Variants in TMEM165 observed in about 807,000 individuals in gnomAD.
The protein encoded by TMEM165 is transmembrane protein 165.
Under a neutral mutation model 30.0 loss-of-function variants are expected in TMEM165, and 19 were observed. The ratio of observed to expected loss-of-function variants is 0.63; its 90% CI spans 0.44 to 0.93. TMEM165 has a LOEUF of 0.93. Ranked by LOEUF, TMEM165 falls within the 40% of genes least tolerant of loss-of-function variation. The pLI is 0.00. For missense variants in TMEM165, 340 were observed against 417.0 expected (o/e 0.82, Z 1.61); for synonymous variants, 168 against 162.9 (o/e 1.03, Z -0.24).
chr4:55,445,005 T>C (rs1255986104), intron 3 of TMEM165, among the ~76,000 whole-genome samples: 5 of 152,208 alleles, frequency 3.3e-5, no homozygotes, highest in Non-Finnish European at 5.9e-5. Context: ...CACAAAGTTA[T>C]CCACATCAGT....
intron 3 of TMEM165, chr4:55,449,319 T>C (rs941491590): frequency 4.6e-6 from 6 of 1,302,414 alleles, no homozygotes; most frequent in Non-Finnish European, 6.7e-6. Flanking sequence ...GACAAATAGA[T>C]GAATTTCTGA....
chr4:55,420,834 G>A (rs539595403), intron 4 of TMEM165, among the ~76,000 whole-genome samples: 1 of 152,138 alleles, frequency 6.6e-6, no homozygotes, highest in East Asian at 1.9e-4. Flanking sequence ...GCCAAAAAAG[G>A]GTGAGGGGGA....
chr4:55,427,500 G>A (rs1276946338), downstream of TMEM165, among the ~76,000 whole-genome samples: 7 of 151,378 alleles, frequency 4.6e-5, no homozygotes, highest in African/African-American at 1.7e-4. Context: ...CCGCCACCAC[G>A]CCTGGCTAAT....
intron 3 of TMEM165, chr4:55,432,247 C>G (rs6834676): frequency 0.69 from 104,600 of 151,904 alleles, 36,282 homozygotes; most frequent in South Asian, 0.81. Context: ...TTAAGTGTCT[C>G]GGTTCTGGTT....
chr4:55,448,722 G>C, intron 3 of TMEM165: 1 of 1,353,224 alleles, frequency 7.4e-7, no homozygotes, highest in Non-Finnish European at 1.0e-6. Flanking sequence ...AATTACATTA[G>C]CTTAAAAGCA....
intron 2 of TMEM165, among the ~76,000 whole-genome samples, chr4:55,413,690 A>C (rs1046723569): frequency 3.9e-5 from 6 of 152,254 alleles, no homozygotes; most frequent in African/African-American, 1.4e-4. Context: ...AAAATAAAAT[A>C]GTATGAAGAA....
At chr4:55,448,838 A>C in intron 3 of TMEM165, 1 of 1,613,970 alleles carries the variant, frequency 6.2e-7, no homozygotes, top group Non-Finnish European at 8.5e-7. Flanking sequence ...GGCTGTGTTA[A>C]TGATGAACCA....
At chr4:55,407,204 G>A (rs1297378978) in intron 1 of TMEM165, among the ~76,000 whole-genome samples, 1 of 152,144 alleles carries the variant, frequency 6.6e-6, no homozygotes, top group Non-Finnish European at 1.5e-5. Context: ...GAATCTGGAT[G>A]AAGAGGGGGA....
intron 3 of TMEM165, among the ~76,000 whole-genome samples, chr4:55,436,982 CCT>C (rs1722932683): frequency 6.9e-6 from 1 of 144,424 alleles, no homozygotes; most frequent in African/African-American, 2.6e-5. Flanking sequence ...TAAGGCAGGT[CCT>C]CTCCTTTTTT....
At position 55,411,614 on chromosome 4, in the gene TMEM165, A is replaced by T; in HGVS notation, c.208A>T (p.Lys70Ter). ...VQGPEPARVEKIFTPAAPVHT... is the reference protein window; with the variant it reads ...VQGPEPARVE ...GAAGTAACTGATTTTTTTTTTCCAG[A>T]AAATATTTACACCAGCAGCTCCAGT... is the stretch of plus-strand genomic sequence containing the variant. Residue 70 changes from lysine (K) to a stop codon, truncating the protein, a stop_gained and splice_region_variant, in exon 2 of 6, where the codon AAA becomes TAA. Transcript: ENST00000381334. LOFTEE classifies it high-confidence loss of function. The T allele has an allele frequency of 6.3e-7, 1 of 1,598,822 alleles. No individual in the cohort carries two copies. The highest frequency in any genetic ancestry group is 1.8e-5 in the Admixed American group (1 of 55,306).
intron 1 of TMEM165, among the ~76,000 whole-genome samples, chr4:55,403,837 T>C (rs554284154): frequency 1.3e-5 from 2 of 152,316 alleles, no homozygotes; most frequent in Non-Finnish European, 2.9e-5. Context: ...CTGTCATCCT[T>C]TGTGTACCTC....
intron 1 of TMEM165, among the ~76,000 whole-genome samples, chr4:55,410,180 G>C (rs1441918155): frequency 1.3e-5 from 2 of 152,060 alleles, no homozygotes; most frequent in African/African-American, 4.8e-5. Flanking sequence ...GCTGGGTTTT[G>C]GTTCAGTAAC....
At chr4:55,414,269 C>CAAA (rs1227098345) in intron 2 of TMEM165, among the ~76,000 whole-genome samples, 1 of 92,438 alleles carries the variant, frequency 1.1e-5, no homozygotes, top group Non-Finnish European at 2.2e-5. Context: ...GACTCCGTCT[C>CAAA]AAAAAAAAAA....
chr4:55,408,482 G>A (rs761128343), intron 1 of TMEM165, among the ~76,000 whole-genome samples: 17 of 152,042 alleles, frequency 1.1e-4, no homozygotes, highest in Admixed American at 4.6e-4. Flanking sequence ...ATTAAATACT[G>A]TAGGCAGTTG....
chr4:55,453,292 T>C, exon 4 of TMEM165: 1 of 617,820 alleles, frequency 1.6e-6, no homozygotes. Flanking sequence ...TAATTTAACT[T>C]GCATTTTTCT....
chr4:55,408,802 A>T (rs924977082), intron 1 of TMEM165, among the ~76,000 whole-genome samples: 1 of 152,206 alleles, frequency 6.6e-6, no homozygotes, highest in African/African-American at 2.4e-5. Context: ...GTGATCATAA[A>T]TGGTGTATAT....
intron 3 of TMEM165, chr4:55,443,842 A>C (rs150890790): frequency 1.2e-6 from 2 of 1,613,682 alleles, no homozygotes; most frequent in Non-Finnish European, 1.7e-6. Context: ...GAATTTCCAG[A>C]AGAAAGTTGA....
intron 1 of TMEM165, among the ~76,000 whole-genome samples, chr4:55,406,484 A>G (rs1368239400): frequency 6.6e-6 from 1 of 152,192 alleles, no homozygotes; most frequent in Non-Finnish European, 1.5e-5. Flanking sequence ...TGATACTTAC[A>G]CCATCCACAT....
intron 1 of TMEM165, among the ~76,000 whole-genome samples, chr4:55,402,794 G>GTTTTTTTTTTTTTTTT (rs1491276185): frequency 9.5e-5 from 5 of 52,520 alleles, no homozygotes; most frequent in African/African-American, 3.3e-4. Context: ...TTTAAAAAAA[G>GTTTTTTTTTTTTTTTT]CTTTTTTTTT....
Sources: gnomAD v4.1 joint callset for allele counts (sites outside exome capture counted in the v4.1 genomes callset) on GRCh38, gnomAD v4.1.1 for gene constraint, MANE v1.5 for transcripts, NCBI Gene and HGNC (gene_info 2026-07-23, HGNC 2026-07-21) for gene names.